The following INTS7 variants were observed in gnomAD, a reference collection of about 807,000 sequenced individuals.
INTS7 encodes the protein integrator complex subunit 7.
INTS7 carries 46 observed loss-of-function variants against 109.2 expected under a neutral mutation model. The observed-to-expected ratio is 0.42, with a 90% CI of 0.33 to 0.54. INTS7 has a LOEUF of 0.54. Among genes scored for constraint, INTS7 ranks in the 20% least tolerant of loss-of-function variants. The pLI is 0.07. For missense variants in INTS7, 929 were observed against 1,132.4 expected (o/e 0.82, Z 2.58); for synonymous variants, 412 against 402.9 (o/e 1.02, Z -0.27).
Position 211,975,388 on chromosome 1 carries a change from G to A in INTS7, c.1609-16C>T, listed in dbSNP as rs764263352. 5 of 1,598,502 alleles carry A rather than the reference G, an allele frequency of 3.1e-6. No homozygotes were observed. In the Admixed American group the frequency reaches 6.8e-5, roughly 22 times the overall value. ...CATGATTACCCTAAAAACAAAAAAA[G>A]AAAAGAAAAAAGAATAGAAGGAGCA... On this transcript the variant is annotated splice_polypyrimidine_tract_variant and intron_variant, in intron 12 of 19. Transcript: ENST00000366994.
intron 9 of INTS7, among the ~76,000 whole-genome samples, chr1:211,981,680 A>T (rs1664671480): frequency 6.6e-6 from 1 of 152,186 alleles, no homozygotes; most frequent in Non-Finnish European, 1.5e-5. Context: ...GTCTGACCAT[A>T]AAGAATGAAC....
At chr1:211,966,293 C>A in intron 16 of INTS7, 137 bp downstream of exon 16, 1 of 506,882 alleles carries the variant, frequency 2.0e-6, no homozygotes, top group East Asian at 3.1e-5. Context: ...TTATGTGACC[C>A]ACAAAAAATG....
intron 5 of INTS7, among the ~76,000 whole-genome samples, chr1:212,010,553 C>A (rs1666123421): frequency 6.6e-6 from 1 of 152,148 alleles, no homozygotes; most frequent in East Asian, 1.9e-4. Context: ...TCATGCCCCC[C>A]ATAAGTATGC....
chr1:212,007,774 C>T (rs1665996254), intron 5 of INTS7, among the ~76,000 whole-genome samples: 1 of 152,192 alleles, frequency 6.6e-6, no homozygotes, highest in East Asian at 1.9e-4. Flanking sequence ...TACACATATA[C>T]ATATATATAC....
chr1:211,943,740 C>T (rs1385317548), intron 19 of INTS7, among the ~76,000 whole-genome samples: 1 of 152,106 alleles, frequency 6.6e-6, no homozygotes, highest in Non-Finnish European at 1.5e-5. Flanking sequence ...GGCTTTTTAA[C>T]CTAAAACCAC....
At chr1:212,030,623 C>G (rs1667119101) in intron 1 of INTS7, 1 of 152,180 alleles carries the variant, frequency 6.6e-6, no homozygotes, top group Non-Finnish European at 1.5e-5. Context: ...CGCTTCTCAA[C>G]ACTCTCAGAC....
chr1:211,975,219 A>G lies in INTS7; in HGVS notation c.1762T>C (p.Ser588Pro), dbSNP rs182522274. Reference sequence around the variant, plus strand: ...AATTTTAAAGATTCAGCAATGCAAGAAAGTGCTGAACTATAATTTTCCTCT... The same window carrying G: ...AATTTTAAAGATTCAGCAATGCAAGGAAGTGCTGAACTATAATTTTCCTCT... ...LQEENYSSAL[S>P]CIAESLKFYH... The change falls in exon 13 of 20, where the codon TCT (serine) becomes CCT (proline). Residue 588 changes from serine (S) to proline (P), a missense_variant. Physicochemically the swap from Ser to Pro is moderately conservative, Grantham distance 74. This residue lies in a region of INTS7 where 787 missense variants were observed against 901.1 expected (regional missense o/e 0.87). Transcript: ENST00000366994. 8 of 1,613,908 alleles carry G rather than the reference A, an allele frequency of 5.0e-6. No homozygotes were observed. In the East Asian group the frequency reaches 1.3e-4, roughly 27 times the overall value.
intron 16 of INTS7, among the ~76,000 whole-genome samples, chr1:211,958,298 ATTTT>A (rs1331161461): frequency 6.6e-6 from 1 of 150,890 alleles, no homozygotes; most frequent in Non-Finnish European, 1.5e-5. Context: ...ATAGGTTAAC[ATTTT>A]TTTTTCCAGG....
At chr1:212,018,300 G>A (rs951765276) in intron 3 of INTS7, among the ~76,000 whole-genome samples, 4 of 151,120 alleles carry the variant, frequency 2.6e-5, no homozygotes, top group South Asian at 4.2e-4. Context: ...TCTAGAGATC[G>A]CTGGCTTTAT....
At chr1:211,956,455 T>C (rs563881874) in intron 16 of INTS7, among the ~76,000 whole-genome samples, 21 of 152,318 alleles carry the variant, frequency 1.4e-4, no homozygotes, top group African/African-American at 5.1e-4. Context: ...GACTGAACTT[T>C]TTAAAAAAAT....
At chr1:212,026,835 G>A (rs1666945362) in intron 1 of INTS7, among the ~76,000 whole-genome samples, 1 of 152,146 alleles carries the variant, frequency 6.6e-6, no homozygotes, top group Non-Finnish European at 1.5e-5. Context: ...AGGCATAGTA[G>A]GAAACAGCCT....
intron 7 of INTS7, among the ~76,000 whole-genome samples, chr1:212,000,662 T>C (rs1186084450): frequency 1.3e-5 from 2 of 152,216 alleles, no homozygotes; most frequent in South Asian, 2.1e-4. Context: ...CCTAGTTTAT[T>C]TGAATTTCTG....
intron 4 of INTS7, among the ~76,000 whole-genome samples, chr1:212,013,422 G>C (rs765715127): frequency 6.6e-6 from 1 of 152,146 alleles, no homozygotes; most frequent in African/African-American, 2.4e-5. Context: ...TATTACAAAA[G>C]AGTCAAAAAG....
intron 13 of INTS7, among the ~76,000 whole-genome samples, chr1:211,969,560 T>C (rs1284009786): frequency 2.8e-5 from 4 of 143,150 alleles, no homozygotes; most frequent in African/African-American, 7.7e-5. Context: ...TCTTTTTTTT[T>C]TTTTTTTTTT....
At chr1:212,013,623 G>C (rs1176121492) in intron 4 of INTS7, among the ~76,000 whole-genome samples, 2 of 152,186 alleles carry the variant, frequency 1.3e-5, no homozygotes, top group Non-Finnish European at 2.9e-5. Flanking sequence ...TGATCACCCA[G>C]AGCAAATTCC....
chr1:211,965,710 C>T (rs1424755807), intron 16 of INTS7, among the ~76,000 whole-genome samples: 1 of 152,144 alleles, frequency 6.6e-6, no homozygotes, highest in Admixed American at 6.5e-5. Context: ...AACCAAATAC[C>T]ACACGTTCTC....
intron 1 of INTS7, among the ~76,000 whole-genome samples, chr1:212,033,594 C>T (rs915321414): frequency 6.6e-6 from 1 of 152,180 alleles, no homozygotes; most frequent in African/African-American, 2.4e-5. Flanking sequence ...CCATTCTAGA[C>T]TCCTCTTCAG....
intron 13 of INTS7, among the ~76,000 whole-genome samples, chr1:211,969,722 ATT>A (rs762057924): frequency 1.4e-5 from 2 of 141,006 alleles, no homozygotes; most frequent in Non-Finnish European, 1.5e-5. Context: ...TGCCTGGCTA[ATT>A]TTTTTTTTTT....
At chr1:211,962,830 TGAAAACAAAGAA>T (rs1558028286) in intron 16 of INTS7, among the ~76,000 whole-genome samples, 1 of 152,104 alleles carries the variant, frequency 6.6e-6, no homozygotes, top group Non-Finnish European at 1.5e-5. Flanking sequence ...TTGAAACTAA[TGAAAACAAAGAA>T]ACAACATACC....
Sources: allele counts gnomAD v4.1 joint callset (sites outside exome capture counted in the v4.1 genomes callset), GRCh38; gene constraint gnomAD v4.1.1; regional missense constraint gnomAD v4.1.1; transcripts MANE v1.5; gene names NCBI Gene and HGNC (gene_info 2026-07-23, HGNC 2026-07-21).